SUGP2: variants seen among roughly 807,000 people sequenced by gnomAD.
SUGP2 encodes the protein SURP and G-patch domain-containing protein 2.
SUGP2 carries 24 observed loss-of-function variants against 90.5 expected under a neutral mutation model. The ratio of observed to expected loss-of-function variants is 0.27; its 90% CI spans 0.19 to 0.37. SUGP2 has a LOEUF of 0.37. Among genes scored for constraint, SUGP2 ranks in the 10% least tolerant of loss-of-function variants. The pLI is 1.00. For missense variants in SUGP2, 1,233 were observed against 1,363.3 expected, an observed-to-expected ratio of 0.90 and a Z score of 1.51; for synonymous variants, 473 against 513.4, an observed-to-expected ratio of 0.92 and a Z score of 1.06.
At chr19:19,004,672 G>A in intron 6 of SUGP2, 26 bp from the exon 7 acceptor site, 1 of 1,519,864 alleles carries the variant, frequency 6.6e-7, no homozygotes, top group Non-Finnish European at 9.0e-7. Context: ...AATACATTGG[G>A]TAACCAGATG....
At chr19:19,005,903 C>T (rs1022033959) in intron 6 of SUGP2, among the ~76,000 whole-genome samples, 1 of 88,498 alleles carries the variant, frequency 1.1e-5, no homozygotes, top group African/African-American at 4.4e-5. Context: ...CACACACACA[C>T]ACCACACACA....
At chr19:18,997,208 G>T (rs112734426) in intron 8 of SUGP2, among the ~76,000 whole-genome samples, 2 of 152,094 alleles carry the variant, frequency 1.3e-5, no homozygotes, top group African/African-American at 4.8e-5. Context: ...CTTCCCTAAC[G>T]TTAGGGGTGC....
chr19:18,995,612 A>G (rs1568372826), intron 8 of SUGP2, among the ~76,000 whole-genome samples: 1 of 152,160 alleles, frequency 6.6e-6, no homozygotes, highest in Non-Finnish European at 1.5e-5. Context: ...CCCTGGATAA[A>G]GAAGGGTGGC....
At chr19:19,012,393 T>G (rs990412065) in intron 4 of SUGP2, among the ~76,000 whole-genome samples, 1 of 152,202 alleles carries the variant, frequency 6.6e-6, no homozygotes, top group African/African-American at 2.4e-5. Flanking sequence ...CTCTGATGGC[T>G]TTCCTTGTTC....
rs1305967524 is a variant in SUGP2, at chr19:18,991,153, G to C, written c.*2588C>G. ...CCTCTCGGGGGTGACCCTGGAACTA[G>C]AACGACAGAAAAGACACTGTGACTT... On this transcript the variant is annotated 3_prime_UTR_variant, in exon 11 of 11. Transcript: ENST00000452918. 2 of 152,088 alleles carry C rather than the reference G, an allele frequency of 1.3e-5. No homozygotes were observed. The highest frequency in any genetic ancestry group is 2.4e-5 in the African/African-American group (1 of 41,388). 9.4% of individuals were successfully genotyped at this position (152,088 alleles called of 1,614,324 possible).
chr19:19,003,238 G>A (rs896722160), intron 7 of SUGP2, among the ~76,000 whole-genome samples: 9 of 152,232 alleles, frequency 5.9e-5, no homozygotes, highest in Non-Finnish European at 1.3e-4. Flanking sequence ...ACTGTCACAT[G>A]TAAATGTGAC....
chr19:19,002,155 G>A (rs558132612), intron 7 of SUGP2, among the ~76,000 whole-genome samples: 2 of 152,240 alleles, frequency 1.3e-5, no homozygotes, highest in Admixed American at 6.5e-5. Context: ...CGAGATGGGC[G>A]GATCACCCGA....
intron 4 of SUGP2, among the ~76,000 whole-genome samples, chr19:19,017,588 A>G (rs12975754): frequency 0.69 from 104,563 of 151,852 alleles, 36,497 homozygotes; most frequent in East Asian, 0.89. Flanking sequence ...CCTGGGCAAC[A>G]TGGTAAAACC....
intron 2 of SUGP2, among the ~76,000 whole-genome samples, chr19:19,030,697 G>A (rs1257657560): frequency 2.0e-5 from 3 of 152,280 alleles, no homozygotes; most frequent in East Asian, 3.9e-4. Context: ...GAGATGGAAG[G>A]ATGGCTTGAG....
chr19:19,031,088 G>GTT lies in SUGP2; in HGVS notation c.-11-7_-11-6insAA. On this transcript the variant is annotated splice_polypyrimidine_tract_variant and splice_region_variant and intron_variant, in intron 1 of 10. Coordinates refer to ENST00000452918, the MANE Select transcript of SUGP2 (RefSeq NM_001017392.5). ...GGCTGCCATGTTATTTTGCCCTATG[G>GTT]TGAGAGAGAAAAAAATACACTAAGA... 1.9e-6 allele frequency: 3 copies of GTT among 1,607,008 alleles called. No homozygotes were observed. The South Asian group carries it at 3.3e-5, about 18-fold the overall frequency.
In SUGP2 at chr19:19,019,089, G is replaced by A. The variant is rs200108143; in HGVS notation, c.1850+20C>T. On this transcript the variant is annotated intron_variant, in intron 4 of 10. Coordinates refer to ENST00000452918, the MANE Select transcript of SUGP2 (RefSeq NM_001017392.5). ...ATACTCCATGAGAGGGATTCACAGC[G>A]TGGACATTTAAAGACCTACCAGTAA... is the stretch of plus-strand genomic sequence containing the variant. 14 of 1,608,624 alleles carry A rather than the reference G, an allele frequency of 8.7e-6. No homozygotes were observed. The highest frequency in any genetic ancestry group is 1.3e-5 in the African/African-American group (1 of 74,976).
intron 4 of SUGP2, among the ~76,000 whole-genome samples, chr19:19,013,241 A>C (rs1859267): frequency 6.6e-6 from 1 of 151,982 alleles, no homozygotes; most frequent in African/African-American, 2.4e-5. Context: ...CAAGATTCAC[A>C]ATCTATATGT....
chr19:19,011,139 TAAAAA>T (rs761596499), intron 4 of SUGP2, among the ~76,000 whole-genome samples: 1 of 139,460 alleles, frequency 7.2e-6, no homozygotes, highest in African/African-American at 2.6e-5. Flanking sequence ...ACCCTATCTT[TAAAAA>T]AAAAAAAAAC....
chr19:19,026,841 C>T (rs1038946217), intron 2 of SUGP2, among the ~76,000 whole-genome samples: 3 of 152,092 alleles, frequency 2.0e-5, no homozygotes, highest in Admixed American at 6.6e-5. Context: ...TCGGAAAGGT[C>T]GGCCAGGCCA....
intron 3 of SUGP2, among the ~76,000 whole-genome samples, chr19:19,019,745 A>G (rs1227907881): frequency 6.7e-6 from 1 of 149,002 alleles, no homozygotes; most frequent in Admixed American, 6.8e-5. Flanking sequence ...CAGGAATTTC[A>G]TTTTCCTTAT....
chr19:19,009,526 G>A (rs2145472651), intron 5 of SUGP2, among the ~76,000 whole-genome samples: 1 of 152,246 alleles, frequency 6.6e-6, no homozygotes, highest in African/African-American at 2.4e-5. Flanking sequence ...GGGAGGCCAG[G>A]ATATAGCAGG....
Position 19,010,320 on chromosome 19 carries a change from G to A in SUGP2, c.1873C>T (p.Leu625=). The A allele has an allele frequency of 6.2e-7, 1 of 1,612,038 alleles. No individual in the cohort carries two copies. The highest frequency in any genetic ancestry group is 8.5e-7 in the Non-Finnish European group (1 of 1,179,674). ...AYWFLSDENS[L]EYKYYKLKLA... ...TTCAGCTTGTAATATTTATACTCCA[G>A]ACTATTTTCATCAGACAAAAACCTA... Residue 625 remains leucine (L), a synonymous_variant, in exon 5 of 11, where the codon CTG becomes TTG. Coordinates refer to ENST00000452918, the MANE Select transcript of SUGP2 (RefSeq NM_001017392.5).
At chr19:19,006,281 A>G (rs192845112) in intron 6 of SUGP2, among the ~76,000 whole-genome samples, 4 of 152,304 alleles carry the variant, frequency 2.6e-5, no homozygotes, top group Non-Finnish European at 2.9e-5. Flanking sequence ...CACACCCACA[A>G]AATGAATTAA....
In SUGP2 at chr19:19,010,026, C is replaced by T. The variant is rs1355255187; in HGVS notation, c.2167G>A (p.Ala723Thr). The T allele has an allele frequency of 1.2e-6, 2 of 1,613,888 alleles. No homozygotes were observed. The highest frequency in any genetic ancestry group is 1.7e-6 in the Non-Finnish European group (2 of 1,180,034). Reference protein sequence around the residue: ...HGRQAPGLSQAKPSLPDRNDA... With the variant: ...HGRQAPGLSQTKPSLPDRNDA... ...TTTCTGTCTGGCAGGGATGGTTTTG[C>T]CTGTGAGAGGCCTGGAGCCTGCCGG... Residue 723 changes from alanine (A) to threonine (T), a missense_variant, in exon 5 of 11, where the codon GCA becomes ACA. Physicochemically the swap from Ala to Thr is moderately conservative, Grantham distance 58. Transcript: ENST00000452918.
Sources: allele counts gnomAD v4.1 joint callset (sites outside exome capture counted in the v4.1 genomes callset), GRCh38; gene constraint gnomAD v4.1.1; transcripts MANE v1.5; gene names NCBI Gene and HGNC (gene_info 2026-07-23, HGNC 2026-07-21).